Variants in LRCH2 observed in about 807,000 individuals in gnomAD.
LRCH2 encodes the protein leucine-rich repeat and calponin homology domain-containing protein 2.
In LRCH2, 38 loss-of-function variants were observed where a neutral mutation model predicts 68.9. The ratio of observed to expected loss-of-function variants is 0.55; its 90% CI spans 0.43 to 0.72. The LOEUF is 0.72. Ranked by LOEUF, LRCH2 falls within the 30% of genes least tolerant of loss-of-function variation. LRCH2 has a pLI of 0.00. For missense variants in LRCH2, 528 were observed against 572.9 expected (o/e 0.92, Z 0.80); for synonymous variants, 191 against 208.1 (o/e 0.92, Z 0.71).
Position 115,188,208 on chromosome X carries a change from T to C in LRCH2, c.494+18A>G. 9.3e-7 allele frequency: 1 copy of C among 1,073,340 alleles called. No homozygotes were observed. The highest frequency in any genetic ancestry group is 1.2e-6 in the Non-Finnish European group (1 of 820,236). 88.5% of individuals were successfully genotyped at this position (1,073,340 alleles called of 1,213,427 possible). A position where few individuals can be genotyped will look rare whatever the true frequency, so the allele number is the denominator to read the frequency against. On this transcript the variant is annotated intron_variant, in intron 2 of 20. Coordinates refer to ENST00000317135, the MANE Select transcript of LRCH2 (RefSeq NM_020871.4). ...ACAACAATAAAAACCAAAATTTATT[T>C]TTAAATTGTTTCCTTACCTAATGTT...
intron 14 of LRCH2, among the ~76,000 whole-genome samples, chrX:115,147,472 A>C (rs1556536729): frequency 1.8e-5 from 2 of 111,705 alleles, no homozygotes; most frequent in African/African-American, 6.5e-5. Context: ...CCAGTGACTG[A>C]AGCTTATCTT....
At chrX:115,152,923 C>A (rs1309417912) in intron 12 of LRCH2, among the ~76,000 whole-genome samples, 1 of 110,812 alleles carries the variant, frequency 9.0e-6, no homozygotes, top group African/African-American at 3.3e-5. Context: ...GAAAACAGTA[C>A]AATCCAGAGG....
At chrX:115,225,859 T>C (rs1251035750) in intron 1 of LRCH2, among the ~76,000 whole-genome samples, 1 of 112,124 alleles carries the variant, frequency 8.9e-6, no homozygotes, top group Admixed American at 9.5e-5. Context: ...TCATTCGTGA[T>C]CAGGGGAATG....
chrX:115,138,203 T>A (rs1476122513), intron 14 of LRCH2, among the ~76,000 whole-genome samples: 2 of 109,815 alleles, frequency 1.8e-5, no homozygotes, highest in Non-Finnish European at 3.8e-5. Flanking sequence ...GGTCACTCTC[T>A]GACCTCCTCC....
rs1210406171 is a variant in LRCH2 at position 115,111,547 on chromosome X, G to A, written c.*1669C>T. Reference sequence around the variant, plus strand: ...TTTTCACTAGGGAGATTATGTCAGCGAGTTTTTTTTTTATCCAACTAAAAA... The same window carrying A: ...TTTTCACTAGGGAGATTATGTCAGCAAGTTTTTTTTTTATCCAACTAAAAA... On this transcript the variant is annotated 3_prime_UTR_variant, in exon 21 of 21. Coordinates refer to ENST00000317135, the MANE Select transcript of LRCH2 (RefSeq NM_020871.4). The A allele has an allele frequency of 3.6e-5, 4 of 109,774 alleles. No homozygotes were observed. Among genetic ancestry groups the A allele is most frequent in the Non-Finnish European group, 7.6e-5 (4 of 52,622 alleles). The allele number at this position is 109,774 out of a possible 1,213,427, so 9.0% of individuals were successfully genotyped here.
chrX:115,175,571 C>T (rs1556549895), intron 5 of LRCH2, among the ~76,000 whole-genome samples: 2 of 112,120 alleles, frequency 1.8e-5, no homozygotes, highest in Admixed American at 9.4e-5. Flanking sequence ...TGAATTGAAT[C>T]GAAGCATAAA....
chrX:115,155,541 G>C (rs1556539456), intron 12 of LRCH2, among the ~76,000 whole-genome samples: 1 of 111,484 alleles, frequency 9.0e-6, no homozygotes. Context: ...CAAAAAAGGA[G>C]GTTAGAATTG....
chrX:115,151,869 C>G (rs1276002826), intron 12 of LRCH2, among the ~76,000 whole-genome samples: 1 of 110,837 alleles, frequency 9.0e-6, no homozygotes, highest in East Asian at 2.8e-4. Flanking sequence ...CAGAGTCTAG[C>G]AGGCCCAGAA....
At chrX:115,191,729 G>T in intron 1 of LRCH2, 1 of 1,163,933 alleles carries the variant, frequency 8.6e-7, no homozygotes, top group Non-Finnish European at 1.1e-6. Context: ...TACAGTGGGG[G>T]CCATGACAGT....
rs782531915 is a variant in LRCH2 at position 115,123,135 on chromosome X, C to T, written c.1907G>A (p.Arg636Lys). 6.5e-5 allele frequency: 78 copies of T among 1,208,778 alleles called. No homozygotes were observed. The highest frequency in any genetic ancestry group is 8.2e-5 in the Non-Finnish European group (73 of 894,815). The change falls in exon 18 of 21, where the codon AGA (arginine) becomes AAA (lysine). Residue 636 changes from arginine (R) to lysine (K), a missense_variant. By Grantham distance (26) the Arg-to-Lys change is conservative. Transcript: ENST00000317135. ...YGAADPGFTM[R>K]RKMEHLREER... ...TTCCCGTAAATGTTCCATCTTTCTT[C>T]TCATTGTAAATCCTGGATCTGCTGC... is the stretch of plus-strand genomic sequence containing the variant.
intron 11 of LRCH2, among the ~76,000 whole-genome samples, chrX:115,159,730 GAC>G (rs1569513929): frequency 1.1e-5 from 1 of 90,238 alleles, no homozygotes; most frequent in East Asian, 3.6e-4. Flanking sequence ...CAGCCTGGAC[GAC>G]AGAGTGAGAC....
At chrX:115,221,256 A>G (rs1251443504) in intron 1 of LRCH2, among the ~76,000 whole-genome samples, 1 of 99,880 alleles carries the variant, frequency 1.0e-5, no homozygotes, top group Non-Finnish European at 2.0e-5. Context: ...AACTACAGCA[A>G]ATTTCCAAAC....
rs1556561141 is a variant in LRCH2, at chrX:115,192,309, G to A, written c.350-3939C>T. 6.0e-6 allele frequency: 7 copies of A among 1,158,247 alleles called. No homozygotes were observed. In the Admixed American group the frequency reaches 1.0e-4, roughly 17 times the overall value. On this transcript the variant is annotated intron_variant, in intron 1 of 20. Coordinates refer to ENST00000317135, the MANE Select transcript of LRCH2 (RefSeq NM_020871.4). ...GCTACGAGGAGTACCGAGGCCCCTC[G>A]CCTGACGCCCACAGTGGGGGCCGCG...
intron 10 of LRCH2, 45 bp downstream of exon 10, chrX:115,165,360 G>A (rs1556544057): frequency 7.6e-6 from 7 of 916,223 alleles, no homozygotes; most frequent in South Asian, 2.6e-5. Flanking sequence ...TCTAATGAAT[G>A]GCTCAAGGGC....
chrX:115,213,409 C>A (rs1276044842), intron 1 of LRCH2, among the ~76,000 whole-genome samples: 1 of 111,709 alleles, frequency 9.0e-6, no homozygotes, highest in Non-Finnish European at 1.9e-5. Flanking sequence ...ACCTTCCAAG[C>A]CTCATTCTCC....
intron 14 of LRCH2, 123 bp from the exon 15 acceptor site, chrX:115,130,322 A>C: frequency 2.6e-6 from 1 of 380,502 alleles, no homozygotes; most frequent in Non-Finnish European, 4.6e-6. Flanking sequence ...TAACAAATTT[A>C]AGTATATAAC....
intron 11 of LRCH2, among the ~76,000 whole-genome samples, chrX:115,159,586 C>T (rs782282470): frequency 9.1e-6 from 1 of 109,677 alleles, no homozygotes; most frequent in African/African-American, 3.3e-5. Context: ...CCCGTCTCTA[C>T]TAAAAATACA....
intron 11 of LRCH2, among the ~76,000 whole-genome samples, chrX:115,157,658 T>C (rs1199969387): frequency 9.2e-6 from 1 of 109,192 alleles, no homozygotes; most frequent in Non-Finnish European, 1.9e-5. Context: ...CTTCTTTGTA[T>C]AGGCATGCAT....
At chrX:115,147,658 A>C (rs1556536833) in intron 14 of LRCH2, among the ~76,000 whole-genome samples, 1 of 111,748 alleles carries the variant, frequency 8.9e-6, no homozygotes, top group African/African-American at 3.3e-5. Context: ...ATGAAACCAA[A>C]GAATTATGTT....
Sources: gnomAD v4.1 joint callset for allele counts (sites outside exome capture counted in the v4.1 genomes callset) on GRCh38, gnomAD v4.1.1 for gene constraint, MANE v1.5 for transcripts, NCBI Gene and HGNC (gene_info 2026-07-23, HGNC 2026-07-21) for gene names.